CALU: variants seen among roughly 807,000 people sequenced by gnomAD.
CALU encodes calumenin.
A neutral mutation model predicts 37.5 loss-of-function variants in CALU; 13 were observed. The ratio of observed to expected loss-of-function variants is 0.35; its 90% CI spans 0.23 to 0.55. The LOEUF (loss-of-function observed/expected upper bound fraction) is 0.55. Ranked by LOEUF, CALU falls within the 20% of genes least tolerant of loss-of-function variation. The pLI is 0.89. For missense variants in CALU, 282 were observed against 391.7 expected, an observed-to-expected ratio of 0.72 and a Z score of 2.36; for synonymous variants, 114 against 133.8, an observed-to-expected ratio of 0.85 and a Z score of 1.02.
intron 6 of CALU, among the ~76,000 whole-genome samples, chr7:128,768,835 G>A (rs529816691): frequency 9.8e-4 from 40 of 40,960 alleles, no homozygotes; most frequent in Non-Finnish European, 1.4e-3. Context: ...CAACAAGAGC[G>A]AAACTCCGTC....
Position 128,748,762 on chromosome 7 carries a change from C to A in CALU, c.179C>A (p.Thr60Asn), listed in dbSNP as rs1245347118. 1.2e-6 allele frequency: 2 copies of A among 1,614,128 alleles called. No individual in the cohort carries two copies. Among genetic ancestry groups the A allele is most frequent in the Admixed American group, 3.3e-5 (2 of 60,020 alleles). Residue 60 changes from threonine (T) to asparagine (N), a missense_variant, in exon 2 of 7, where the codon ACC becomes AAC. Transcript: ENST00000249364. ...DAFLGAEEAK[T>N]FDQLTPEESK... Reference sequence around the variant, plus strand: ...TTCTTGGGTGCTGAAGAAGCAAAGACCTTTGATCAGCTGACACCAGAAGAG... The same window carrying A: ...TTCTTGGGTGCTGAAGAAGCAAAGAACTTTGATCAGCTGACACCAGAAGAG...
At position 128,772,705 on chromosome 7, in the gene CALU, G is replaced by A. The variant is rs184461423; in HGVS notation, c.*3538G>A. 2,196 of 1,613,448 alleles carry A rather than the reference G, an allele frequency of 1.4e-3. 12 individuals carry two copies. The highest frequency in any genetic ancestry group is 3.4e-3 in the South Asian group (313 of 91,064). On this transcript the variant is annotated 3_prime_UTR_variant, in exon 7 of 7. Coordinates refer to ENST00000249364, the MANE Select transcript of CALU (RefSeq NM_001219.5). ...GGAGATAACCTTGGCAGATGAGGAA[G>A]TATGGGAAAAAAGACCTTATTCTCT... is the stretch of plus-strand genomic sequence containing the variant.
At chr7:128,743,002 A>T (rs1404263452) in intron 1 of CALU, among the ~76,000 whole-genome samples, 1 of 152,242 alleles carries the variant, frequency 6.6e-6, no homozygotes, top group East Asian at 1.9e-4. Context: ...AGGTGAAAGT[A>T]ATTTTAATAA....
chr7:128,743,813 CTT>C (rs1491217764), intron 1 of CALU, among the ~76,000 whole-genome samples: 1 of 152,060 alleles, frequency 6.6e-6, no homozygotes, highest in African/African-American at 2.4e-5. Context: ...CCAGTCTAAA[CTT>C]TTATAAAGTG....
chr7:128,739,448 C>G lies in CALU; in HGVS notation c.-12+16C>G, dbSNP rs1023736184. 8 of 152,768 alleles carry G rather than the reference C, an allele frequency of 5.2e-5. No individual in the cohort carries two copies. Among genetic ancestry groups the G allele is most frequent in the African/African-American group, 1.9e-4 (8 of 41,584 alleles). 9.5% of individuals were successfully genotyped at this position (152,768 alleles called of 1,614,324 possible). On this transcript the variant is annotated intron_variant, in intron 1 of 6. Transcript: ENST00000249364. ...ACGAGGAAAGGTAAGTACGGTGATG[C>G]CCAGCCCCTTCACCACTGCCTCATC...
chr7:128,759,497 C>T (rs2128881311), intron 4 of CALU, among the ~76,000 whole-genome samples: 1 of 152,222 alleles, frequency 6.6e-6, no homozygotes, highest in Middle Eastern at 3.4e-3. Flanking sequence ...ACTAAGGCTA[C>T]CAGGTAGATC....
In CALU at chr7:128,770,106, CA is replaced by C. The variant is rs1462688003; in HGVS notation, c.*941del. 7.2e-5 allele frequency: 11 copies of C among 152,594 alleles called. No homozygotes were observed. The highest frequency in any genetic ancestry group is 5.2e-4 in the Admixed American group (8 of 15,276). The allele number at this position is 152,594 out of a possible 1,614,324, so 9.5% of individuals were successfully genotyped here. On this transcript the variant is annotated 3_prime_UTR_variant, in exon 7 of 7. Transcript: ENST00000249364. ...CAAGGAATTAATCTTGGTTTCACTA[CA>C]ATTAAAATTCACTCCTTTCCAATCA...
chr7:128,740,339 G>A (rs375160691), intron 1 of CALU, among the ~76,000 whole-genome samples: 11 of 152,332 alleles, frequency 7.2e-5, no homozygotes, highest in African/African-American at 2.6e-4. Context: ...TTCTGGTGTG[G>A]ACCATGAAGT....
intron 5 of CALU, among the ~76,000 whole-genome samples, chr7:128,760,260 C>T (rs1216175653): frequency 2.0e-5 from 3 of 152,176 alleles, no homozygotes; most frequent in Non-Finnish European, 4.4e-5. Context: ...GGTCAATTCT[C>T]ACTAGCTCAT....
intron 1 of CALU, among the ~76,000 whole-genome samples, chr7:128,739,955 C>T (rs929897473): frequency 1.3e-5 from 2 of 152,094 alleles, no homozygotes; most frequent in African/African-American, 2.4e-5. Context: ...GGGGAGAGAA[C>T]GAGTGACGAC....
intron 5 of CALU, among the ~76,000 whole-genome samples, chr7:128,761,978 G>A (rs12534064): frequency 0.3 from 45,742 of 151,794 alleles, 8,154 homozygotes; most frequent in Non-Finnish European, 0.41. Context: ...AGGTTCAGTG[G>A]CATACTTTGA....
chr7:128,750,831 T>G (rs1218475060), intron 2 of CALU, among the ~76,000 whole-genome samples: 1 of 152,194 alleles, frequency 6.6e-6, no homozygotes, highest in Non-Finnish European at 1.5e-5. Context: ...ATTCACGACT[T>G]TTTGAAATCT....
In CALU at chr7:128,772,774, T is replaced by G. The variant is rs1801640549; in HGVS notation, c.*3607T>G. On this transcript the variant is annotated 3_prime_UTR_variant, in exon 7 of 7. Coordinates refer to ENST00000249364, the MANE Select transcript of CALU (RefSeq NM_001219.5). Reference sequence around the variant, plus strand: ...ACAATGCTTTGTACCCAGAATGCCCTTAGGTGGTTTTGAATCTATCTTCCC... The same window carrying G: ...ACAATGCTTTGTACCCAGAATGCCCGTAGGTGGTTTTGAATCTATCTTCCC... The G allele has an allele frequency of 5.7e-6, 8 of 1,403,646 alleles. No individual in the cohort carries two copies. Among genetic ancestry groups the G allele is most frequent in the Non-Finnish European group, 8.0e-6 (8 of 1,000,332 alleles). 86.9% of individuals were successfully genotyped at this position (1,403,646 alleles called of 1,614,324 possible).
chr7:128,766,467 C>T (rs1205531313), intron 5 of CALU, among the ~76,000 whole-genome samples: 11 of 131,550 alleles, frequency 8.4e-5, no homozygotes, highest in African/African-American at 1.7e-4. Context: ...CTTGCTCTGT[C>T]GCCCAGGCTA....
intron 4 of CALU, among the ~76,000 whole-genome samples, chr7:128,759,433 A>G (rs1026332225): frequency 1.4e-4 from 22 of 152,218 alleles, no homozygotes; most frequent in Admixed American, 5.2e-4. Context: ...TAGACTATCT[A>G]TAGCTAAACA....
At position 128,769,241 on chromosome 7, in the gene CALU, G is replaced by A. The variant is rs1562883980; in HGVS notation, c.*74G>A. On this transcript the variant is annotated 3_prime_UTR_variant, in exon 7 of 7. Coordinates refer to ENST00000249364, the MANE Select transcript of CALU (RefSeq NM_001219.5). ...TCTGGTTTCACATGAAATTGTTTGCGCTACTGAGACTGTTACTACAAACTT... is the reference window on the plus strand; with the variant it reads ...TCTGGTTTCACATGAAATTGTTTGCACTACTGAGACTGTTACTACAAACTT... 1.0e-5 allele frequency: 8 copies of A among 802,368 alleles called. No individual in the cohort carries two copies. Among genetic ancestry groups the A allele is most frequent in the Non-Finnish European group, 1.6e-5 (8 of 488,154 alleles). The allele number at this position is 802,368 out of a possible 1,614,324, so 49.7% of individuals were successfully genotyped here. A position where few individuals can be genotyped will look rare whatever the true frequency, so the allele number is the denominator to read the frequency against.
chr7:128,762,630 A>G (rs530659894), intron 5 of CALU, among the ~76,000 whole-genome samples: 26 of 150,794 alleles, frequency 1.7e-4, no homozygotes, highest in African/African-American at 5.3e-4. Context: ...TTTAAAATTT[A>G]TTATAGAGCA....
chr7:128,745,423 TAGTG>T (rs1800393633), intron 1 of CALU, among the ~76,000 whole-genome samples: 1 of 149,944 alleles, frequency 6.7e-6, no homozygotes, highest in African/African-American at 2.4e-5. Context: ...CTGGGCAACA[TAGTG>T]AGACTCTACA....
chr7:128,750,855 C>T (rs1027511735), intron 2 of CALU, among the ~76,000 whole-genome samples: 1 of 152,020 alleles, frequency 6.6e-6, no homozygotes, highest in African/African-American at 2.4e-5. Flanking sequence ...ATAATAATAG[C>T]TAAAAGAACA....
Sources: gnomAD v4.1 joint callset for allele counts (sites outside exome capture counted in the v4.1 genomes callset) on GRCh38, gnomAD v4.1.1 for gene constraint, MANE v1.5 for transcripts, NCBI Gene and HGNC (gene_info 2026-07-23, HGNC 2026-07-21) for gene names.